Variants in STRN observed in about 807,000 individuals in gnomAD.
STRN encodes the protein protein phosphatase 2 regulatory subunit B'''alpha.
STRN carries 53 observed loss-of-function variants against 96.3 expected under a neutral mutation model. The observed-to-expected ratio is 0.55, with a 90% CI of 0.44 to 0.69. The LOEUF is 0.69. Ranked by LOEUF, STRN falls within the 30% of genes least tolerant of loss-of-function variation. STRN has a pLI of 0.00. For missense variants in STRN, 987 were observed against 963.9 expected (o/e 1.02, Z -0.32); for synonymous variants, 428 against 355.9 (o/e 1.20, Z -2.28).
chr2:36,943,587 G>A (rs577671452), intron 1 of STRN, among the ~76,000 whole-genome samples: 1 of 150,596 alleles, frequency 6.6e-6, no homozygotes, highest in African/African-American at 2.4e-5. Context: ...GGAGAATCAC[G>A]AGGTCAGGAG....
At chr2:36,863,702 T>C (rs567031984) in intron 12 of STRN, among the ~76,000 whole-genome samples, 16 of 152,354 alleles carry the variant, frequency 1.1e-4, no homozygotes, top group African/African-American at 3.4e-4. Flanking sequence ...TAGAATGTCA[T>C]TGGTAGTTTG....
At chr2:36,903,328 A>G (rs2148201364) in intron 4 of STRN, among the ~76,000 whole-genome samples, 1 of 152,332 alleles carries the variant, frequency 6.6e-6, no homozygotes, top group South Asian at 2.1e-4. Context: ...GCAGCAACAC[A>G]AAAAAAGAGC....
intron 8 of STRN, among the ~76,000 whole-genome samples, chr2:36,884,344 AAC>A (rs1281609313): frequency 6.6e-6 from 1 of 152,250 alleles, no homozygotes; most frequent in Non-Finnish European, 1.5e-5. Context: ...CATGAAAAAT[AAC>A]ATTCTTTAGC....
chr2:36,856,705 C>T (rs1014127259), intron 14 of STRN, among the ~76,000 whole-genome samples: 4 of 152,136 alleles, frequency 2.6e-5, no homozygotes, highest in African/African-American at 7.2e-5. Flanking sequence ...ATCTCTCATA[C>T]GGTTTGGATC....
chr2:36,893,794 T>A, intron 7 of STRN, 104 bp downstream of exon 7: 1 of 1,378,320 alleles, frequency 7.3e-7, no homozygotes, highest in African/African-American at 1.5e-5. Context: ...GTTCACAGAA[T>A]GCTCAATATT....
At chr2:36,851,280 C>G (rs538695240) in intron 15 of STRN, among the ~76,000 whole-genome samples, 173 bp from the exon 16 acceptor site, 9 of 151,562 alleles carry the variant, frequency 5.9e-5, no homozygotes, top group African/African-American at 2.2e-4. Flanking sequence ...GTCAGGAGAT[C>G]GAGACCATCC....
At chr2:36,941,897 T>C (rs1670854539) in intron 1 of STRN, among the ~76,000 whole-genome samples, 1 of 152,148 alleles carries the variant, frequency 6.6e-6, no homozygotes, top group East Asian at 1.9e-4. Context: ...ATTACAAGTC[T>C]TCAAGTTGGT....
Position 36,966,474 on chromosome 2 carries a change from G to A in STRN, c.-11C>T. The A allele has an allele frequency of 7.0e-7, 1 of 1,437,336 alleles. No homozygotes were observed. The highest frequency in any genetic ancestry group is 9.1e-7 in the Non-Finnish European group (1 of 1,098,206). 89.0% of individuals were successfully genotyped at this position (1,437,336 alleles called of 1,614,324 possible). On this transcript the variant is annotated 5_prime_UTR_variant, in exon 1 of 18. Transcript: ENST00000263918. ...CGCCTGCTCGTCCATGGCGGCCGCA[G>A]ATACCCGGGGAGCTGCCCCGGCGCC...
chr2:36,951,774 A>C (rs1274481206), intron 1 of STRN, among the ~76,000 whole-genome samples: 1 of 152,220 alleles, frequency 6.6e-6, no homozygotes, highest in Non-Finnish European at 1.5e-5. Flanking sequence ...ATATATACCA[A>C]GTATGAGATA....
chr2:36,883,814 TG>T, intron 9 of STRN, 117 bp downstream of exon 9: 1 of 1,000,348 alleles, frequency 1.0e-6, no homozygotes, highest in East Asian at 3.2e-5. Flanking sequence ...GGGAAAACTA[TG>T]CAGATCAAAC....
At position 36,876,253 on chromosome 2, in the gene STRN, C is replaced by T. The variant is rs1359598691; in HGVS notation, c.1323+1638G>A. On this transcript the variant is annotated intron_variant, in intron 10 of 17. Transcript: ENST00000263918. ...GCCACTGCACTCCAGCCTGGGTGAC[C>T]GAGTGAGACCCTGCCTTAAAAAAAA... Among the ~76,000 whole-genome samples, 8 of 147,178 alleles carry T rather than the reference C, an allele frequency of 5.4e-5. No homozygotes were observed. The South Asian group carries it at 1.6e-3, about 29-fold the overall frequency.
Position 36,849,388 on chromosome 2 carries a change from GTCTTCTGTATC to G in STRN, c.*57_*67del. On this transcript the variant is annotated 3_prime_UTR_variant, in exon 18 of 18. Transcript: ENST00000263918. The stretch of plus-strand genomic sequence containing the variant: ...GCAGGACGAGATGATTCTTGCCCTC[GTCTTCTGTATC>G]TCTTGTGTGCAGTTGATTACTTATA... 1 of 1,549,646 alleles carries G rather than the reference GTCTTCTGTATC, an allele frequency of 6.5e-7. No individual in the cohort carries two copies. Among genetic ancestry groups the G allele is most frequent in the Non-Finnish European group, 8.8e-7 (1 of 1,135,976 alleles).
Position 36,863,302 on chromosome 2 carries a change from G to C in STRN, c.1548-2049C>G, listed in dbSNP as rs373588234. 2.0e-5 allele frequency among the ~76,000 whole-genome samples: 3 copies of C among 151,874 alleles called. No homozygotes were observed. The East Asian group carries it at 5.8e-4, about 29-fold the overall frequency. ...CCTAGGTTTTCTTCAACTTTTTTTA[G>C]TTTTAGGTTTTGCATTTAAGTCTTT... On this transcript the variant is annotated intron_variant, in intron 12 of 17. Coordinates refer to ENST00000263918, the MANE Select transcript of STRN (RefSeq NM_003162.4).
At position 36,844,883 on chromosome 2, in the gene STRN, T is replaced by C. The variant is rs1050804986; in HGVS notation, c.*4573A>G. On this transcript the variant is annotated 3_prime_UTR_variant, in exon 18 of 18. Transcript: ENST00000263918. ...ACAGATACGTTTTTCTGGGCCTTTC[T>C]CTAAAATGAACTTTAGGGCTTGATA... 1.2e-4 allele frequency: 18 copies of C among 152,164 alleles called. No individual in the cohort carries two copies. Among genetic ancestry groups the C allele is most frequent in the Non-Finnish European group, 2.9e-5 (2 of 68,030 alleles). The allele number at this position is 152,164 out of a possible 1,614,324, so 9.4% of individuals were successfully genotyped here. A position where few individuals can be genotyped will look rare whatever the true frequency, so the allele number is the denominator to read the frequency against.
chr2:36,916,613 C>T (rs1161200412), intron 2 of STRN, among the ~76,000 whole-genome samples: 1 of 151,830 alleles, frequency 6.6e-6, no homozygotes, highest in African/African-American at 2.4e-5. Flanking sequence ...GTCAGATAAT[C>T]ATGATTTGCC....
chr2:36,949,043 A>G (rs903936314), intron 1 of STRN, among the ~76,000 whole-genome samples: 2 of 152,250 alleles, frequency 1.3e-5, no homozygotes, highest in African/African-American at 4.8e-5. Context: ...TCCCATAACT[A>G]TAACCATAAG....
chr2:36,899,442 G>T (rs1305661772), intron 6 of STRN, 81 bp downstream of exon 6: 1 of 1,268,830 alleles, frequency 7.9e-7, no homozygotes, highest in Non-Finnish European at 1.0e-6. Context: ...TAAGATTAAA[G>T]AACATGGATT....
intron 1 of STRN, among the ~76,000 whole-genome samples, chr2:36,946,916 G>A (rs779097367): frequency 6.7e-6 from 1 of 148,942 alleles, no homozygotes; most frequent in Non-Finnish European, 1.5e-5. Flanking sequence ...TTTTTTTTGA[G>A]ACGGATTCTA....
rs1420335233 is a variant in STRN, at chr2:36,857,853, T to C, written c.1837+3A>G. 1.6e-5 allele frequency: 25 copies of C among 1,609,210 alleles called. No homozygotes were observed. The highest frequency in any genetic ancestry group is 1.9e-5 in the Non-Finnish European group (22 of 1,176,850). On this transcript the variant is annotated splice_donor_region_variant and intron_variant, in intron 14 of 17. Coordinates refer to ENST00000263918, the MANE Select transcript of STRN (RefSeq NM_003162.4). Reference sequence around the variant, plus strand: ...CAGCAAAATAATTTTTTAAAGTATGTACCTTTAGTATCATTAAATACACTT... The same window carrying C: ...CAGCAAAATAATTTTTTAAAGTATGCACCTTTAGTATCATTAAATACACTT...
Sources: allele counts gnomAD v4.1 joint callset (sites outside exome capture counted in the v4.1 genomes callset), GRCh38; gene constraint gnomAD v4.1.1; transcripts MANE v1.5; gene names NCBI Gene and HGNC (gene_info 2026-07-23, HGNC 2026-07-21).